The following BAZ2B variants were observed in gnomAD, a reference collection of about 807,000 sequenced individuals.
The protein encoded by BAZ2B is bromodomain adjacent to zinc finger domain 2B.
BAZ2B carries 91 observed loss-of-function variants against 246.0 expected under a neutral mutation model. The observed-to-expected ratio is 0.37, with a 90% CI of 0.31 to 0.44. BAZ2B has a LOEUF of 0.44. Ranked by LOEUF, BAZ2B falls within the 20% of genes least tolerant of loss-of-function variation. The pLI is 1.00. For missense variants in BAZ2B, 2,332 were observed against 2,533.7 expected (o/e 0.92, Z 1.71); for synonymous variants, 855 against 860.0 (o/e 0.99, Z 0.10).
chr2:159,569,193 A>G lies in BAZ2B; in HGVS notation c.-45-13328T>C, dbSNP rs186061263. 4.0e-3 allele frequency among the ~76,000 whole-genome samples: 602 copies of G among 152,308 alleles called. 4 individuals are homozygous for G. Among genetic ancestry groups the G allele is most frequent in the Non-Finnish European group, 6.1e-3 (412 of 68,010 alleles). On this transcript the variant is annotated intron_variant, in intron 1 of 36. Coordinates refer to ENST00000392783, the MANE Select transcript of BAZ2B (RefSeq NM_013450.4). ...AACAACCAAAAAAGATTTAAATGAA[A>G]AATAGATTATTGTTCTCAAACTGCT...
At position 159,379,368 on chromosome 2, in the gene BAZ2B, T is replaced by C. The variant is rs142084001; in HGVS notation, c.4005+3191A>G. ...AATTGGGGAGTTCCTATTTAATGGG[T>C]GTGAAGTTTCAGTTATGCAAGATGA... is the stretch of plus-strand genomic sequence containing the variant. On this transcript the variant is annotated intron_variant, in intron 25 of 36. Coordinates refer to ENST00000392783, the MANE Select transcript of BAZ2B (RefSeq NM_013450.4). Among the ~76,000 whole-genome samples the C allele has an allele frequency of 2.3e-3, 343 of 152,162 alleles. 1 individual carries two copies. Among genetic ancestry groups the C allele is most frequent in the African/African-American group, 7.3e-3 (302 of 41,534 alleles).
At chr2:159,573,532 A>G (rs1429685076) in intron 1 of BAZ2B, among the ~76,000 whole-genome samples, 3 of 152,224 alleles carry the variant, frequency 2.0e-5, no homozygotes, top group African/African-American at 7.2e-5. Flanking sequence ...TCAATGACCC[A>G]AACGTAAGAG....
chr2:159,491,242 C>T (rs532542389), intron 2 of BAZ2B, among the ~76,000 whole-genome samples: 28 of 152,194 alleles, frequency 1.8e-4, no homozygotes, highest in Non-Finnish European at 3.4e-4. Context: ...TATGCAACAA[C>T]CAAATTGCTT....
chr2:159,377,405 C>T (rs114595047), intron 25 of BAZ2B, among the ~76,000 whole-genome samples: 1 of 152,194 alleles, frequency 6.6e-6, no homozygotes, highest in Non-Finnish European at 1.5e-5. Context: ...TTATTAGGTC[C>T]TAATATTTAT....
chr2:159,583,775 G>A (rs1256018970), intron 1 of BAZ2B, among the ~76,000 whole-genome samples: 1 of 152,210 alleles, frequency 6.6e-6, no homozygotes, highest in Non-Finnish European at 1.5e-5. Context: ...GAAAAAGAGA[G>A]AGTACAGGGC....
intron 2 of BAZ2B, among the ~76,000 whole-genome samples, chr2:159,534,576 T>C (rs1441175972): frequency 1.3e-5 from 2 of 152,150 alleles, no homozygotes; most frequent in Non-Finnish European, 2.9e-5. Flanking sequence ...AACATCATTA[T>C]GCCTCCTGTG....
At chr2:159,495,921 T>C (rs1329190632) in intron 2 of BAZ2B, among the ~76,000 whole-genome samples, 1 of 150,794 alleles carries the variant, frequency 6.6e-6, no homozygotes, top group Non-Finnish European at 1.5e-5. Context: ...GCATGCATCA[T>C]CCCGCCCAGC....
intron 1 of BAZ2B, among the ~76,000 whole-genome samples, chr2:159,604,496 A>G (rs1310507351): frequency 6.6e-6 from 1 of 152,220 alleles, no homozygotes; most frequent in Non-Finnish European, 1.5e-5. Flanking sequence ...TCTAAAATGT[A>G]ATAGAATTAC....
At chr2:159,682,577 TGAA>T in the BAZ2B span, among the ~76,000 whole-genome samples, 39 of 152,142 alleles carry the variant, frequency 2.6e-4, no homozygotes, top group Non-Finnish European at 4.3e-4. Context: ...TGGAGAATGT[TGAA>T]GTAAATCTGG....
At chr2:159,644,396 C>T in the BAZ2B span, among the ~76,000 whole-genome samples, 1 of 152,198 alleles carries the variant, frequency 6.6e-6, no homozygotes, top group Non-Finnish European at 1.5e-5. Flanking sequence ...TCCAGGCCTA[C>T]TGGGATGGCA....
the BAZ2B span, among the ~76,000 whole-genome samples, chr2:159,659,877 T>C: frequency 0.46 from 69,504 of 152,062 alleles, 16,742 homozygotes; most frequent in Middle Eastern, 0.64. Context: ...ATTAACTATT[T>C]CCATTTACCA....
chr2:159,488,838 A>G (rs893089191), intron 2 of BAZ2B, among the ~76,000 whole-genome samples: 1 of 152,214 alleles, frequency 6.6e-6, no homozygotes, highest in East Asian at 1.9e-4. Context: ...GAAGCTGATT[A>G]ATAGTCATTT....
At chr2:159,631,413 A>G in the BAZ2B span, among the ~76,000 whole-genome samples, 175 of 152,342 alleles carry the variant, frequency 1.1e-3, no homozygotes, top group South Asian at 0.013. Context: ...ACATACCCAC[A>G]GTATACAGAT....
intron 7 of BAZ2B, 115 bp downstream of exon 7, chr2:159,438,894 G>C: frequency 7.9e-7 from 1 of 1,271,944 alleles, no homozygotes; most frequent in Non-Finnish European, 1.1e-6. Context: ...TTGGGCAAAA[G>C]TATGAACTCA....
chr2:159,632,042 G>C, the BAZ2B span, among the ~76,000 whole-genome samples: 1 of 152,044 alleles, frequency 6.6e-6, no homozygotes, highest in East Asian at 1.9e-4. Context: ...AATGAAGAGG[G>C]AATATAATTA....
intron 2 of BAZ2B, among the ~76,000 whole-genome samples, chr2:159,537,842 C>T (rs924599953): frequency 6.6e-6 from 1 of 152,056 alleles, no homozygotes; most frequent in African/African-American, 2.4e-5. Flanking sequence ...GGGGCTTCAA[C>T]AGTTAGCTGA....
chr2:159,495,157 T>G (rs2080935802), intron 2 of BAZ2B, among the ~76,000 whole-genome samples: 1 of 152,164 alleles, frequency 6.6e-6, no homozygotes, highest in African/African-American at 2.4e-5. Context: ...TATTAAAAGT[T>G]ATGCATTTTC....
In BAZ2B at chr2:159,551,197, C is replaced by T. The variant is rs138034519; in HGVS notation, c.-3+4626G>A. On this transcript the variant is annotated intron_variant, in intron 2 of 36. Transcript: ENST00000392783. Reference sequence around the variant, plus strand: ...TATTTAAAAGGTTGCCGGCCGGGCACGGTGGCTCACGCCTATAATCCCAGC... The same window carrying T: ...TATTTAAAAGGTTGCCGGCCGGGCATGGTGGCTCACGCCTATAATCCCAGC... 2.6e-3 allele frequency among the ~76,000 whole-genome samples: 396 copies of T among 150,082 alleles called. 2 individuals are homozygous for T. Among genetic ancestry groups the T allele is most frequent in the African/African-American group, 8.4e-3 (345 of 41,028 alleles).
At chr2:159,393,295 T>C (rs985006621) in intron 20 of BAZ2B, among the ~76,000 whole-genome samples, 2 of 152,184 alleles carry the variant, frequency 1.3e-5, no homozygotes, top group African/African-American at 4.8e-5. Flanking sequence ...TCACTTTGGC[T>C]GCTCTGTAGA....
Sources: allele counts gnomAD v4.1 joint callset (sites outside exome capture counted in the v4.1 genomes callset), GRCh38; gene constraint gnomAD v4.1.1; transcripts MANE v1.5; gene names NCBI Gene and HGNC (gene_info 2026-07-23, HGNC 2026-07-21).